The following KCNN2 variants were observed in gnomAD, a reference collection of about 807,000 sequenced individuals.
KCNN2 encodes the protein small conductance calcium-activated potassium channel protein 2.
In KCNN2, 24 loss-of-function variants were observed where a neutral mutation model predicts 55.5. The observed-to-expected ratio is 0.43, with a 90% CI of 0.31 to 0.61. The LOEUF (loss-of-function observed/expected upper bound fraction) is 0.61, where lower values mean the gene tolerates loss of function less well. KCNN2 is among the 20% of genes least tolerant of loss of function. The probability of loss-of-function intolerance (pLI) is 0.08; values close to 1 mark genes in which losing one functional copy is unlikely to be tolerated. For missense variants in KCNN2, 754 were observed against 853.6 expected (o/e 0.88, Z 1.45); for synonymous variants, 431 against 336.1 (o/e 1.28, Z -3.09).
At chr5:114,083,131 G>C (rs145742907) in intron 1 of KCNN2, among the ~76,000 whole-genome samples, 76 of 152,108 alleles carry the variant, frequency 5.0e-4, no homozygotes, top group African/African-American at 1.8e-3. Context: ...TTGTCCATTT[G>C]ATTCTGTAGG....
At chr5:114,302,041 G>A (rs1456765454) in intron 2 of KCNN2, among the ~76,000 whole-genome samples, 1 of 152,182 alleles carries the variant, frequency 6.6e-6, no homozygotes, top group African/African-American at 2.4e-5. Context: ...TTGAGGAATA[G>A]TCTATTTCTA....
chr5:114,159,525 G>A lies in KCNN2; in HGVS notation c.-270-61955G>A, dbSNP rs575952751. Among the ~76,000 whole-genome samples the A allele has an allele frequency of 1.9e-4, 29 of 152,280 alleles. No individual in the cohort carries two copies. In the South Asian group the frequency reaches 5.2e-3, roughly 27 times the overall value. On this transcript the variant is annotated intron_variant, in intron 1 of 10. Transcript: ENST00000512097. Reference sequence around the variant, plus strand: ...GGATGATGCTGGCCTCATAAAATGAGTTAGGAAGGATTCCCTCTTTTTCTA... The same window carrying A: ...GGATGATGCTGGCCTCATAAAATGAATTAGGAAGGATTCCCTCTTTTTCTA...
chr5:114,142,529 T>C (rs1399701012), intron 1 of KCNN2, among the ~76,000 whole-genome samples: 1 of 152,106 alleles, frequency 6.6e-6, no homozygotes, highest in Non-Finnish European at 1.5e-5. Context: ...AATCTCAGGA[T>C]ACAAAATCAA....
intron 2 of KCNN2, among the ~76,000 whole-genome samples, chr5:114,240,790 C>T (rs2112614516): frequency 6.6e-6 from 1 of 152,142 alleles, no homozygotes; most frequent in South Asian, 2.1e-4. Flanking sequence ...ACTGCTATTA[C>T]TCAAGTAGTA....
intron 1 of KCNN2, among the ~76,000 whole-genome samples, chr5:114,086,874 G>A (rs1343440464): frequency 2.6e-5 from 4 of 152,142 alleles, no homozygotes; most frequent in African/African-American, 9.7e-5. Flanking sequence ...TTCCACAGTG[G>A]CTGAACTAAT....
intron 2 of KCNN2, among the ~76,000 whole-genome samples, chr5:114,244,599 G>C (rs1421106665): frequency 6.6e-6 from 1 of 151,694 alleles, no homozygotes; most frequent in Admixed American, 6.6e-5. Flanking sequence ...CTCTGGGGCG[G>C]GCATGGGGGG....
chr5:114,162,962 T>C (rs1034193246), intron 1 of KCNN2, among the ~76,000 whole-genome samples: 4 of 152,176 alleles, frequency 2.6e-5, no homozygotes, highest in Admixed American at 1.3e-4. Flanking sequence ...GGTGAGGCGA[T>C]GCCTCTCCCT....
chr5:114,400,945 AT>A (rs1448864584), intron 2 of KCNN2, among the ~76,000 whole-genome samples: 1 of 147,160 alleles, frequency 6.8e-6, no homozygotes, highest in East Asian at 2.0e-4. Flanking sequence ...ACTTTATTCG[AT>A]TTCTTTACGT....
chr5:114,087,223 A>C (rs1751035569), intron 1 of KCNN2, among the ~76,000 whole-genome samples: 1 of 151,766 alleles, frequency 6.6e-6, no homozygotes, highest in Admixed American at 6.6e-5. Flanking sequence ...CCCATTCTGT[A>C]GTTTTGTGTT....
chr5:114,206,823 C>T (rs1447661880), intron 1 of KCNN2, among the ~76,000 whole-genome samples: 3 of 151,514 alleles, frequency 2.0e-5, no homozygotes, highest in Non-Finnish European at 4.4e-5. Context: ...CAAGTATTTA[C>T]AAAGGTCTAG....
chr5:114,107,458 C>T (rs112843660), intron 1 of KCNN2, among the ~76,000 whole-genome samples: 17,222 of 152,102 alleles, frequency 0.11, 1,231 homozygotes, highest in Non-Finnish European at 0.15. Context: ...AATCATGGCT[C>T]GCTGCAGCCT....
intron 2 of KCNN2, among the ~76,000 whole-genome samples, chr5:114,381,463 T>G (rs1273855556): frequency 6.6e-6 from 1 of 152,178 alleles, no homozygotes; most frequent in East Asian, 1.9e-4. Context: ...AGTGGTAATT[T>G]TAGGAGAGCC....
intron 2 of KCNN2, among the ~76,000 whole-genome samples, chr5:114,334,663 T>G (rs1027385814): frequency 1.3e-5 from 2 of 152,116 alleles, no homozygotes. Context: ...TACTAAAGTT[T>G]CTCATACATT....
chr5:114,276,330 A>G (rs1755486860), intron 2 of KCNN2, among the ~76,000 whole-genome samples: 1 of 152,164 alleles, frequency 6.6e-6, no homozygotes, highest in Admixed American at 6.5e-5. Flanking sequence ...AGAGTTCTGT[A>G]TATGTCTATT....
At position 114,495,921 on chromosome 5, in the gene KCNN2, T is replaced by G. The variant is rs1486250997; in HGVS notation, c.2115T>G (p.Ile705Met). The change falls in exon 8 of 8, where the codon ATT (isoleucine) becomes ATG (methionine). Residue 705 changes from isoleucine to methionine, a missense_variant. Transcript: ENST00000673685. ...CCCAGAACATCATGTATGATATGAT[T>G]TCTGACTTAAACGAAAGGAGTGAAG... ...AKTQNIMYDM[I>M]SDLNERSEDF... The G allele has an allele frequency of 2.5e-6, 4 of 1,613,904 alleles. No homozygotes were observed. The highest frequency in any genetic ancestry group is 2.5e-6 in the Non-Finnish European group (3 of 1,179,844).
At chr5:114,433,673 C>G (rs573773036) in intron 3 of KCNN2, 8 of 152,336 alleles carry the variant, frequency 5.3e-5, no homozygotes, top group African/African-American at 1.7e-4. Flanking sequence ...AGCGAGCCCA[C>G]GAGCCCACAG....
intron 2 of KCNN2, among the ~76,000 whole-genome samples, chr5:114,272,668 A>G (rs972537594): frequency 6.6e-6 from 1 of 152,084 alleles, no homozygotes; most frequent in East Asian, 1.9e-4. Flanking sequence ...TTTTTTCTCT[A>G]TGGCTTATTC....
In KCNN2 at chr5:114,363,075, G is replaced by T. The variant is rs1177142881; in HGVS notation, c.936G>T (p.Gly312=). The change falls in exon 1 of 8, where the codon GGG becomes GGT. Residue 312 remains glycine (G), a synonymous_variant. Coordinates refer to ENST00000673685, the MANE Select transcript of KCNN2 (RefSeq NM_021614.4). Reference sequence around the variant, plus strand: ...GAGGCGGCGGCGGTGGCGGGAGCGGGCACGGCAGCAGCAGTGGCACCAAGT... The same window carrying T: ...GAGGCGGCGGCGGTGGCGGGAGCGGTCACGGCAGCAGCAGTGGCACCAAGT... ...TGGGGGGGGS[G]HGSSSGTKSS... The T allele has an allele frequency of 1.2e-6, 2 of 1,610,234 alleles. No individual in the cohort carries two copies. The highest frequency in any genetic ancestry group is 8.5e-7 in the Non-Finnish European group (1 of 1,179,492).
At chr5:114,415,175 AT>A (rs1260743882) in intron 3 of KCNN2, among the ~76,000 whole-genome samples, 2 of 152,204 alleles carry the variant, frequency 1.3e-5, no homozygotes, top group Admixed American at 1.3e-4. Flanking sequence ...GATGAATACT[AT>A]TCTGTTGTAA....
Sources: gnomAD v4.1 joint callset for allele counts (sites outside exome capture counted in the v4.1 genomes callset) on GRCh38, gnomAD v4.1.1 for gene constraint, MANE v1.5 for transcripts, NCBI Gene and HGNC (gene_info 2026-07-23, HGNC 2026-07-21) for gene names.